Variants in ADK observed in about 807,000 individuals in gnomAD.
ADK encodes adenosine kinase.
ADK carries 24 observed loss-of-function variants against 44.7 expected under a neutral mutation model. That is an observed-to-expected ratio of 0.54 (90% CI 0.39 to 0.76). The LOEUF is 0.76. ADK is among the 30% of genes least tolerant of loss of function. The pLI, the probability that ADK is intolerant of heterozygous loss-of-function variation, is 0.00. For synonymous variants in ADK, 128 were observed against 142.6 expected (o/e 0.90, Z 0.73); for missense variants, 321 against 425.1 (o/e 0.76, Z 2.15).
In ADK at chr10:74,557,308, T is replaced by G. The variant is rs192043096; in HGVS notation, c.726+31882T>G. Among the ~76,000 whole-genome samples, 273 of 152,322 alleles carry G rather than the reference T, an allele frequency of 1.8e-3. 4 individuals carry two copies. The highest frequency in any genetic ancestry group is 6.4e-3 in the African/African-American group (266 of 41,570). On this transcript the variant is annotated intron_variant, in intron 7 of 10. Coordinates refer to ENST00000539909, the MANE Select transcript of ADK (RefSeq NM_006721.4). Reference sequence around the variant, plus strand: ...GATTGTGTAATATTTTTATCTACCCTTTCATCTCAGTTATAATTTAAAAAC... The same window carrying G: ...GATTGTGTAATATTTTTATCTACCCGTTCATCTCAGTTATAATTTAAAAAC...
At chr10:74,498,878 T>TA (rs1847789581) in intron 6 of ADK, among the ~76,000 whole-genome samples, 1 of 152,158 alleles carries the variant, frequency 6.6e-6, no homozygotes, top group Non-Finnish European at 1.5e-5. Flanking sequence ...TATGCAGCCA[T>TA]AAAAAATGAT....
At chr10:74,213,553 G>A (rs925036901) in intron 2 of ADK, among the ~76,000 whole-genome samples, 2 of 152,098 alleles carry the variant, frequency 1.3e-5, no homozygotes, top group African/African-American at 4.8e-5. Context: ...AAAAGTAAAA[G>A]GAGTGGGCTG....
chr10:74,342,779 T>TTGTGTGTGTGTGTG (rs757212421), intron 4 of ADK, among the ~76,000 whole-genome samples: 2,710 of 141,366 alleles, frequency 0.019, 40 homozygotes, highest in African/African-American at 0.027. Flanking sequence ...CTAGCTCAGT[T>TTGTGTGTGTGTGTG]TGTGTGTGTG....
At chr10:74,416,959 A>G (rs1024135952) in intron 6 of ADK, among the ~76,000 whole-genome samples, 5 of 151,922 alleles carry the variant, frequency 3.3e-5, no homozygotes, top group African/African-American at 1.2e-4. Context: ...GCTTCTTGTA[A>G]GTTTACCTTT....
intron 6 of ADK, among the ~76,000 whole-genome samples, chr10:74,456,528 G>A (rs1166873860): frequency 1.3e-5 from 2 of 151,840 alleles, no homozygotes; most frequent in Admixed American, 6.5e-5. Flanking sequence ...TTAGCCGGGC[G>A]TGATGGCGGG....
At chr10:74,205,492 A>G (rs1843558987) in intron 2 of ADK, among the ~76,000 whole-genome samples, 1 of 152,070 alleles carries the variant, frequency 6.6e-6, no homozygotes. Flanking sequence ...CCTGGCCAAT[A>G]GGGCAAAATT....
In ADK at chr10:74,254,800, A is replaced by G. The variant is rs546223762; in HGVS notation, c.194+30209A>G. On this transcript the variant is annotated intron_variant, in intron 3 of 10. Coordinates refer to ENST00000539909, the MANE Select transcript of ADK (RefSeq NM_006721.4). ...CTAAATCTGTTTTAGTTGCACAGAC[A>G]CAATGGACAAATAGTCATTTTGTAT... Among the ~76,000 whole-genome samples the G allele has an allele frequency of 3.7e-4, 57 of 152,338 alleles. No individual in the cohort carries two copies. The South Asian group carries it at 8.9e-3, about 24-fold the overall frequency.
At chr10:74,192,931 T>C (rs1842999184) in intron 1 of ADK, among the ~76,000 whole-genome samples, 1 of 152,224 alleles carries the variant, frequency 6.6e-6, no homozygotes, top group Non-Finnish European at 1.5e-5. Flanking sequence ...GATTCTTTAA[T>C]TTTTGGTGTG....
intron 1 of ADK, among the ~76,000 whole-genome samples, chr10:74,152,808 C>G (rs1841643467): frequency 1.3e-5 from 2 of 152,100 alleles, no homozygotes; most frequent in South Asian, 4.1e-4. Context: ...TTTCTTATAC[C>G]TGCAGTCCTG....
chr10:74,550,723 TG>T (rs1850005197), intron 7 of ADK, among the ~76,000 whole-genome samples: 1 of 152,238 alleles, frequency 6.6e-6, no homozygotes, highest in African/African-American at 2.4e-5. Context: ...TTCATTTTCT[TG>T]GTAGTTAAAG....
intron 9 of ADK, among the ~76,000 whole-genome samples, chr10:74,613,689 AAGGTC>A (rs1180028039): frequency 5.9e-5 from 9 of 152,166 alleles, no homozygotes; most frequent in Admixed American, 5.9e-4. Flanking sequence ...TCTGTAAGAA[AAGGTC>A]AGTGTGATTT....
chr10:74,302,133 T>G (rs1341710473), intron 3 of ADK, among the ~76,000 whole-genome samples: 34 of 91,212 alleles, frequency 3.7e-4, no homozygotes, highest in African/African-American at 1.2e-3. Flanking sequence ...TTTTTTTTTT[T>G]TTTTTTTTTT....
intron 3 of ADK, among the ~76,000 whole-genome samples, chr10:74,274,732 G>GTATATA (rs754929114): frequency 0.014 from 1,137 of 84,188 alleles, 82 homozygotes; most frequent in Middle Eastern, 0.04. Context: ...TTTAATGTGT[G>GTATATA]TATATATATA....
chr10:74,173,794 A>G (rs1260618801), intron 1 of ADK, among the ~76,000 whole-genome samples: 1 of 152,234 alleles, frequency 6.6e-6, no homozygotes, highest in African/African-American at 2.4e-5. Context: ...AAGCATGAGC[A>G]AAAGTGCATT....
chr10:74,260,067 C>T (rs1251308852), intron 3 of ADK, among the ~76,000 whole-genome samples: 1 of 151,802 alleles, frequency 6.6e-6, no homozygotes, highest in East Asian at 1.9e-4. Flanking sequence ...AAAAAAAAAC[C>T]TTCAAAGGTA....
intron 3 of ADK, among the ~76,000 whole-genome samples, chr10:74,237,403 G>A (rs139401104): frequency 1.3e-5 from 2 of 152,228 alleles, no homozygotes; most frequent in East Asian, 3.9e-4. Context: ...TAGTTCTCTT[G>A]CTATTTCTAC....
At chr10:74,650,145 C>T (rs771055990) in intron 9 of ADK, among the ~76,000 whole-genome samples, 4 of 152,142 alleles carry the variant, frequency 2.6e-5, no homozygotes, top group Non-Finnish European at 5.9e-5. Flanking sequence ...GTTGGCCAGT[C>T]GCAGTGGCTT....
At chr10:74,485,635 C>T (rs545348624) in intron 6 of ADK, among the ~76,000 whole-genome samples, 7 of 152,174 alleles carry the variant, frequency 4.6e-5, no homozygotes, top group Admixed American at 3.3e-4. Flanking sequence ...GACTCTTACA[C>T]ACTTGAAGAT....
At chr10:74,631,850 T>C (rs1853436336) in intron 9 of ADK, among the ~76,000 whole-genome samples, 1 of 152,202 alleles carries the variant, frequency 6.6e-6, no homozygotes, top group Non-Finnish European at 1.5e-5. Flanking sequence ...CATTACTTTT[T>C]CGCCATTCTT....
Sources: allele counts gnomAD v4.1 joint callset (sites outside exome capture counted in the v4.1 genomes callset), GRCh38; gene constraint gnomAD v4.1.1; transcripts MANE v1.5; gene names NCBI Gene and HGNC (gene_info 2026-07-23, HGNC 2026-07-21).